The following SP4 variants were observed in gnomAD, a reference collection of about 807,000 sequenced individuals.
The protein encoded by SP4 is transcription factor Sp4.
In SP4, 19 loss-of-function variants were observed where a neutral mutation model predicts 72.8. The ratio of observed to expected loss-of-function variants is 0.26; its 90% CI spans 0.18 to 0.38. The LOEUF is 0.38. SP4 is among the 10% of genes least tolerant of loss of function. The probability of loss-of-function intolerance (pLI) is 1.00; values close to 1 mark genes in which losing one functional copy is unlikely to be tolerated. For missense variants in SP4, 1,008 were observed against 926.3 expected (o/e 1.09, Z -1.14); for synonymous variants, 395 against 333.1 (o/e 1.19, Z -2.02).
intron 3 of SP4, among the ~76,000 whole-genome samples, chr7:21,455,538 G>A (rs1783736029): frequency 6.6e-6 from 1 of 152,028 alleles, no homozygotes; most frequent in African/African-American, 2.4e-5. Context: ...TCGTCCTTAG[G>A]GTTCCATAAT....
intron 3 of SP4, chr7:21,471,040 G>A (rs1264978027): frequency 3.7e-6 from 2 of 534,544 alleles, no homozygotes; most frequent in East Asian, 5.4e-5. Flanking sequence ...GTGGGAGAAT[G>A]TGTTGGATTC....
intron 5 of SP4, among the ~76,000 whole-genome samples, chr7:21,498,774 TTAAAG>T (rs1169024022): frequency 1.3e-5 from 2 of 152,154 alleles, no homozygotes; most frequent in East Asian, 1.9e-4. Context: ...AACCAGATTC[TTAAAG>T]TAAACTAGAG....
chr7:21,511,052 C>G lies in SP4; in HGVS notation c.2138C>G (p.Ser713Cys), dbSNP rs757834626. 2 of 1,612,826 alleles carry G rather than the reference C, an allele frequency of 1.2e-6. No homozygotes were observed. Among genetic ancestry groups the G allele is most frequent in the Non-Finnish European group, 1.7e-6 (2 of 1,179,048 alleles). ...AAGAGATTTGAATGCCCGGAATGTT[C>G]TAAAAGGTTTATGCGGAGTGATCAT... ...GEKRFECPEC[S>C]KRFMRSDHLS... is the part of the protein sequence containing the mutation. Residue 713 changes from serine (S) to cysteine (C), a missense_variant, in exon 6 of 6, where the codon TCT becomes TGT. Physicochemically the swap from Ser to Cys is moderately radical, Grantham distance 112 (BLOSUM62 -1). Coordinates refer to ENST00000222584, the MANE Select transcript of SP4 (RefSeq NM_003112.5).
At chr7:21,473,800 A>T (rs1784416611) in intron 3 of SP4, among the ~76,000 whole-genome samples, 1 of 152,196 alleles carries the variant, frequency 6.6e-6, no homozygotes, top group Admixed American at 6.5e-5. Flanking sequence ...TGAGGGCCAG[A>T]AGAGAGGCCA....
At chr7:21,502,313 G>T (rs1272180208) in intron 5 of SP4, among the ~76,000 whole-genome samples, 1 of 152,086 alleles carries the variant, frequency 6.6e-6, no homozygotes, top group Non-Finnish European at 1.5e-5. Context: ...GTGATGCTTA[G>T]GATGTGGGTA....
intron 3 of SP4, among the ~76,000 whole-genome samples, chr7:21,458,012 C>T (rs1424162319): frequency 4.6e-5 from 7 of 152,002 alleles, no homozygotes; most frequent in Non-Finnish European, 7.4e-5. Flanking sequence ...AATTAAAAGG[C>T]TAAATTACTC....
chr7:21,485,691 A>G (rs149370817), intron 5 of SP4, among the ~76,000 whole-genome samples: 1 of 151,920 alleles, frequency 6.6e-6, no homozygotes, highest in Non-Finnish European at 1.5e-5. Context: ...TCACCACTCT[A>G]TTTCCAATAA....
chr7:21,477,209 G>C lies in SP4; in HGVS notation c.1809G>C (p.Leu603Phe). The C allele has an allele frequency of 6.2e-7, 1 of 1,614,218 alleles. No homozygotes were observed. Among genetic ancestry groups the C allele is most frequent in the Non-Finnish European group, 8.5e-7 (1 of 1,180,030 alleles). ...CTGACCAACTCACACAAGTGCATTT[G>C]CAGCAAGGCCAGCAGACTTCTGATC... The part of the protein sequence containing the change: ...VSPDQLTQVH[L>F]QQGQQTSDQE... The change falls in exon 4 of 6, where the codon TTG (leucine) becomes TTC (phenylalanine). Residue 603 changes from leucine to phenylalanine, a missense_variant. Coordinates refer to ENST00000222584, the MANE Select transcript of SP4 (RefSeq NM_003112.5).
intron 5 of SP4, among the ~76,000 whole-genome samples, chr7:21,502,047 C>CA (rs1312297142): frequency 3.5e-5 from 4 of 114,770 alleles, no homozygotes; most frequent in Non-Finnish European, 7.3e-5. Context: ...GGCACCCCCC[C>CA]CCCCCCGGAA....
At chr7:21,443,607 G>T (rs952157165) in intron 3 of SP4, among the ~76,000 whole-genome samples, 16 of 152,302 alleles carry the variant, frequency 1.1e-4, no homozygotes, top group Non-Finnish European at 1.8e-4. Flanking sequence ...AGCTGCTTTT[G>T]CACAGGCGTA....
intron 3 of SP4, among the ~76,000 whole-genome samples, chr7:21,445,609 A>G (rs1783397017): frequency 6.6e-6 from 1 of 152,144 alleles, no homozygotes; most frequent in Non-Finnish European, 1.5e-5. Context: ...GTTTTGTTTT[A>G]TCTTGATCTT....
chr7:21,486,321 T>C (rs1385644669), intron 5 of SP4, among the ~76,000 whole-genome samples: 1 of 152,136 alleles, frequency 6.6e-6, no homozygotes, highest in Non-Finnish European at 1.5e-5. Flanking sequence ...AAACTTCTTG[T>C]ATAACCACAG....
At chr7:21,472,784 G>GA (rs552813017) in intron 3 of SP4, among the ~76,000 whole-genome samples, 26 of 142,344 alleles carry the variant, frequency 1.8e-4, no homozygotes, top group East Asian at 1.4e-3. Flanking sequence ...TAAAAAAAAA[G>GA]AAAAAAAAAA....
At chr7:21,510,968 A>T in intron 5 of SP4, 54 bp from the exon 6 acceptor site, 1 of 1,512,190 alleles carries the variant, frequency 6.6e-7, no homozygotes, top group South Asian at 1.3e-5. Context: ...ATTAAAAATT[A>T]TAATTTCACT....
intron 5 of SP4, among the ~76,000 whole-genome samples, chr7:21,488,327 A>G (rs559400736): frequency 2.0e-5 from 3 of 152,208 alleles, no homozygotes; most frequent in Admixed American, 6.5e-5. Flanking sequence ...GTTATAGTCT[A>G]TGTATGGACT....
chr7:21,509,737 C>T (rs929780134), intron 5 of SP4, among the ~76,000 whole-genome samples: 1 of 152,154 alleles, frequency 6.6e-6, no homozygotes, highest in African/African-American at 2.4e-5. Flanking sequence ...CGTGGACCAA[C>T]TTGAGCCTAT....
intron 5 of SP4, among the ~76,000 whole-genome samples, chr7:21,489,688 T>G (rs1784922477): frequency 6.6e-6 from 1 of 150,832 alleles, no homozygotes; most frequent in African/African-American, 2.4e-5. Flanking sequence ...GCCTCCCGAG[T>G]AGCTGGGACT....
intron 4 of SP4, among the ~76,000 whole-genome samples, chr7:21,479,886 T>G (rs550138152): frequency 6.6e-6 from 1 of 152,358 alleles, no homozygotes; most frequent in South Asian, 2.1e-4. Flanking sequence ...TAAGTTGAAC[T>G]GTTTTCTTGA....
At chr7:21,477,379 G>A (rs1784533255) in intron 4 of SP4, 72 bp downstream of exon 4, 4 of 878,364 alleles carry the variant, frequency 4.6e-6, no homozygotes, top group South Asian at 4.4e-5. Context: ...GTAATTGGCT[G>A]GGAATGATGG....
Sources: allele counts gnomAD v4.1 joint callset (sites outside exome capture counted in the v4.1 genomes callset), GRCh38; gene constraint gnomAD v4.1.1; transcripts MANE v1.5; gene names NCBI Gene and HGNC (gene_info 2026-07-23, HGNC 2026-07-21).